Variants in TP73 observed in about 807,000 individuals in gnomAD.
TP73 encodes the protein tumor protein p73, also known as p53-like transcription factor.
A neutral mutation model predicts 62.5 loss-of-function variants in TP73; 25 were observed. The observed-to-expected ratio is 0.40, with a 90% confidence interval of 0.29 to 0.56. The LOEUF is 0.56. TP73 is among the 20% of genes least tolerant of loss of function. The pLI, the probability that TP73 is intolerant of heterozygous loss-of-function variation, is 0.46. For missense variants in TP73, 754 were observed against 913.3 expected (o/e 0.83, Z 2.25); for synonymous variants, 423 against 377.5 (o/e 1.12, Z -1.40).
intron 1 of TP73, among the ~76,000 whole-genome samples, chr1:3,667,902 G>A (rs925901377): frequency 6.6e-6 from 1 of 152,246 alleles, no homozygotes; most frequent in Non-Finnish European, 1.5e-5. Context: ...GTGCACAGGT[G>A]TGCAAAAATT....
In TP73 at chr1:3,729,376, T is replaced by G; in HGVS notation, c.1124T>G (p.Leu375Arg). 1 of 1,613,184 alleles carries G rather than the reference T, an allele frequency of 6.2e-7. No homozygotes were observed. The highest frequency in any genetic ancestry group is 8.5e-7 in the Non-Finnish European group (1 of 1,180,002). The stretch of plus-strand genomic sequence containing the variant: ...ATCCTGATGAAGCTGAAAGAGAGCC[T>G]GGAGCTGATGGAGTTGGTGCCGCAG... ...FEILMKLKES[L>R]ELMELVPQPL... is the part of the protein sequence containing the mutation. The change falls in exon 10 of 14, where the codon CTG becomes CGG. Residue 375 changes from leucine to arginine, a missense_variant. Coordinates refer to ENST00000378295, the MANE Select transcript of TP73 (RefSeq NM_005427.4).
At chr1:3,721,490 C>A (rs569521963) in intron 4 of TP73, among the ~76,000 whole-genome samples, 1 of 152,254 alleles carries the variant, frequency 6.6e-6, no homozygotes, top group Non-Finnish European at 1.5e-5. Flanking sequence ...CCAGAGAGCT[C>A]TCTATGGAAG....
chr1:3,732,986 T>A lies in TP73; in HGVS notation c.1818T>A (p.Pro606=), dbSNP rs1310268019. 13 of 1,592,152 alleles carry A rather than the reference T, an allele frequency of 8.2e-6. No individual in the cohort carries two copies. Among genetic ancestry groups the A allele is most frequent in the Non-Finnish European group, 1.1e-5 (13 of 1,172,608 alleles). The change falls in exon 14 of 14, where the codon CCT becomes CCA. Residue 606 remains proline (P), a synonymous_variant. Coordinates refer to ENST00000378295, the MANE Select transcript of TP73 (RefSeq NM_005427.4). ...ACCGCGGCGGCCCAGGCGGCGGCCC[T>A]GACGAGTGGGCGGACTTCGGCTTCG... ...IPNRGGPGGG[P]DEWADFGFDL...
rs1570362773 is a variant in TP73 at position 3,663,115 on chromosome 1, A to C, written c.-34+10474A>C. 6.6e-6 allele frequency among the ~76,000 whole-genome samples: 1 copy of C among 152,162 alleles called. No homozygotes were observed. The highest frequency in any genetic ancestry group is 1.9e-4 in the East Asian group (1 of 5,152). On this transcript the variant is annotated intron_variant, in intron 1 of 13. Coordinates refer to ENST00000378295, the MANE Select transcript of TP73 (RefSeq NM_005427.4). This position sits in a 1 kb window ranked among gnomAD's most constrained non-coding sequence, Gnocchi z 4.7. The stretch of plus-strand genomic sequence containing the variant: ...AGGCTGAAGCCTGGGAGATCAATTC[A>C]TGCCACCAAGATCAGCTGCAGGCCG...
At chr1:3,668,458 G>T (rs930363815) in intron 1 of TP73, among the ~76,000 whole-genome samples, 10 of 151,986 alleles carry the variant, frequency 6.6e-5, no homozygotes, top group African/African-American at 1.2e-4. Flanking sequence ...CAGCATTAAA[G>T]ATTCAGAATT....
chr1:3,695,578 G>A (rs746506422), intron 3 of TP73, among the ~76,000 whole-genome samples: 14 of 152,236 alleles, frequency 9.2e-5, no homozygotes, highest in Non-Finnish European at 2.1e-4. Flanking sequence ...CCCCACTCCC[G>A]TGCGCCCCAT....
intron 3 of TP73, among the ~76,000 whole-genome samples, chr1:3,688,840 G>C (rs542262878): frequency 6.6e-6 from 1 of 152,196 alleles, no homozygotes; most frequent in South Asian, 2.1e-4. Flanking sequence ...GGTGGGGCTC[G>C]TGCTGAAGGC....
intron 3 of TP73, among the ~76,000 whole-genome samples, chr1:3,689,000 A>G (rs1645737726): frequency 6.6e-6 from 1 of 152,296 alleles, no homozygotes; most frequent in Admixed American, 6.5e-5. Flanking sequence ...CACCGCCTAC[A>G]GAGGCTGAGG....
At chr1:3,660,827 G>T (rs892779178) in intron 1 of TP73, among the ~76,000 whole-genome samples, 37 of 152,322 alleles carry the variant, frequency 2.4e-4, no homozygotes, top group African/African-American at 7.9e-4. Flanking sequence ...TGACAGAAAG[G>T]CTTAAAATGG....
intron 4 of TP73, among the ~76,000 whole-genome samples, chr1:3,709,876 C>T (rs1057196753): frequency 6.6e-6 from 1 of 152,220 alleles, no homozygotes; most frequent in Admixed American, 6.5e-5. Flanking sequence ...GCTTGGAATG[C>T]ACTGCATGTG....
rs749502722 is a variant in TP73 at position 3,732,944 on chromosome 1, C to T, written c.1776C>T (p.His592=). 4 of 1,609,468 alleles carry T rather than the reference C, an allele frequency of 2.5e-6. No individual in the cohort carries two copies. Among genetic ancestry groups the T allele is most frequent in the Non-Finnish European group, 3.4e-6 (4 of 1,179,254 alleles). The change falls in exon 14 of 14, where the codon CAC becomes CAT. Residue 592 remains histidine, a synonymous_variant. Coordinates refer to ENST00000378295, the MANE Select transcript of TP73 (RefSeq NM_005427.4). ...VMEAVHFRVR[H]TITIPNRGGP... ...AGGCCGTGCACTTCCGCGTGCGCCA[C>T]ACCATCACCATCCCCAACCGCGGCG...
chr1:3,680,292 C>T (rs140203940), intron 1 of TP73, among the ~76,000 whole-genome samples: 102 of 152,296 alleles, frequency 6.7e-4, no homozygotes, highest in Middle Eastern at 3.4e-3. Context: ...CTCCTGTGCC[C>T]GGCCCTCTGC....
intron 10 of TP73, 130 bp from the exon 11 acceptor site, chr1:3,729,870 G>A (rs1207760514): frequency 3.6e-5 from 47 of 1,301,552 alleles, no homozygotes; most frequent in Non-Finnish European, 4.8e-5. Context: ...GGAGGCTGGG[G>A]GAGGATGAAG....
chr1:3,719,088 C>T (rs991447154), intron 4 of TP73, among the ~76,000 whole-genome samples: 21 of 152,168 alleles, frequency 1.4e-4, no homozygotes, highest in African/African-American at 5.1e-4. Context: ...CTCCTTTTGC[C>T]GCCCCTGAGA....
chr1:3,721,343 G>A (rs1421544504), intron 4 of TP73, among the ~76,000 whole-genome samples: 2 of 152,220 alleles, frequency 1.3e-5, no homozygotes, highest in African/African-American at 2.4e-5. Flanking sequence ...GGGATACTGG[G>A]GCTGTGAGCC....
chr1:3,667,245 A>G (rs1311887718), intron 1 of TP73, among the ~76,000 whole-genome samples: 2 of 152,198 alleles, frequency 1.3e-5, no homozygotes, highest in Non-Finnish European at 2.9e-5. Context: ...GGGGAAATGT[A>G]TTCTCCCGGG....
rs191693772 is a variant in TP73 at position 3,698,533 on chromosome 1, C to G, written c.187-9016C>G. Among the ~76,000 whole-genome samples, 310 of 152,284 alleles carry G rather than the reference C, an allele frequency of 2.0e-3. 1 individual carries two copies. Among genetic ancestry groups the G allele is most frequent in the Middle Eastern group, 6.8e-3 (2 of 294 alleles). On this transcript the variant is annotated intron_variant, in intron 3 of 13. Transcript: ENST00000378295. ...GGTGGGCCAGCCCTCTGGAGGAGGCCTCTCAGGGGAGGTGGGCTTTGAGCG... is the reference window on the plus strand; with the variant it reads ...GGTGGGCCAGCCCTCTGGAGGAGGCGTCTCAGGGGAGGTGGGCTTTGAGCG...
intron 1 of TP73, among the ~76,000 whole-genome samples, chr1:3,658,584 G>A (rs1027830407): frequency 1.3e-5 from 2 of 152,242 alleles, no homozygotes; most frequent in East Asian, 1.9e-4. Flanking sequence ...GTCTTGGCGC[G>A]CGGCTCTCTT....
chr1:3,698,714 G>A (rs1638887673), intron 3 of TP73, among the ~76,000 whole-genome samples: 1 of 152,192 alleles, frequency 6.6e-6, no homozygotes, highest in Admixed American at 6.5e-5. Context: ...AGGCCACAGT[G>A]GGCGGCTCAA....
Sources: allele counts gnomAD v4.1 joint callset (sites outside exome capture counted in the v4.1 genomes callset), GRCh38; gene constraint gnomAD v4.1.1; non-coding constraint Gnocchi (gnomAD v3.1); transcripts MANE v1.5; gene names NCBI Gene and HGNC (gene_info 2026-07-23, HGNC 2026-07-21).